Variants in FAT2 observed in about 807,000 individuals in gnomAD.
FAT2 encodes the protein FAT atypical cadherin 2.
In FAT2, 150 loss-of-function variants were observed where a neutral mutation model predicts 295.3. The ratio of observed to expected loss-of-function variants is 0.51; its 90% CI spans 0.44 to 0.58. The LOEUF (loss-of-function observed/expected upper bound fraction) is 0.58, where lower values mean the gene tolerates loss of function less well. Ranked by LOEUF, FAT2 falls within the 20% of genes least tolerant of loss-of-function variation. The probability of loss-of-function intolerance (pLI) is 0.00; values close to 1 mark genes in which losing one functional copy is unlikely to be tolerated. For synonymous variants in FAT2, 2,026 were observed against 2,150.3 expected, an observed-to-expected ratio of 0.94 and a Z score of 1.60; for missense variants, 4,868 against 5,442.7, an observed-to-expected ratio of 0.89 and a Z score of 3.32.
intron 1 of FAT2, among the ~76,000 whole-genome samples, chr5:151,578,263 T>A (rs1758819922): frequency 6.6e-6 from 1 of 152,188 alleles, no homozygotes; most frequent in East Asian, 1.9e-4. Context: ...TGGGGTTGCT[T>A]ACTATCCTGT....
chr5:151,517,908 G>T, intron 19 of FAT2, 143 bp from the exon 20 acceptor site: 2 of 1,010,894 alleles, frequency 2.0e-6, no homozygotes, highest in Non-Finnish European at 2.9e-6. Flanking sequence ...CTGGGTGTGG[G>T]GTGTGCCATA....
In FAT2 at chr5:151,578,498, G is replaced by A. The variant is rs115341283; in HGVS notation, c.-20-9547C>T. Among the ~76,000 whole-genome samples the A allele has an allele frequency of 1.6e-3, 239 of 152,252 alleles. 1 individual carries two copies. The highest frequency in any genetic ancestry group is 5.6e-3 in the African/African-American group (234 of 41,528). On this transcript the variant is annotated intron_variant, in intron 1 of 23. Transcript: ENST00000261800. ...TGTTGAAGAGGATGTGGAGAAAAGG[G>A]AACCATCAGACACTGTCAGTGGAAA...
At chr5:151,506,190 G>A (rs1053531998) in intron 23 of FAT2, 93 bp from the exon 24 acceptor site, 21 of 1,354,696 alleles carry the variant, frequency 1.6e-5, no homozygotes, top group Non-Finnish European at 1.9e-5. Context: ...AGCGAGTGGT[G>A]GAGATGGGAG....
intron 18 of FAT2, 33 bp downstream of exon 18, chr5:151,525,735 T>A: frequency 6.2e-7 from 1 of 1,612,622 alleles, no homozygotes. Flanking sequence ...ACTGTCCCCA[T>A]GGTCACCACC....
intron 3 of FAT2, among the ~76,000 whole-genome samples, chr5:151,560,697 C>T (rs1283671307): frequency 2.0e-5 from 3 of 152,348 alleles, no homozygotes; most frequent in Non-Finnish European, 4.4e-5. Context: ...AATCTTCATG[C>T]TCCTAATGGA....
In FAT2 at chr5:151,525,860, C is replaced by T. The variant is rs144627455; in HGVS notation, c.10414G>A (p.Gly3472Ser). ...TCCGGGGTCACTCGGAAGGCAGAGC[C>T]GTTGTTCCCCTTGGTGATTCGAAAC... ...YSFRITKGNN[G>S]SAFRVTPDGW... Residue 3472 changes from glycine to serine, a missense_variant, in exon 18 of 24, where the codon GGC (glycine) becomes AGC (serine). Physicochemically the swap from Gly to Ser is moderately conservative, Grantham distance 56. Transcript: ENST00000261800. 26 of 1,614,092 alleles carry T rather than the reference C, an allele frequency of 1.6e-5. No individual in the cohort carries two copies. The highest frequency in any genetic ancestry group is 1.1e-4 in the African/African-American group (8 of 75,040).
Position 151,505,494 on chromosome 5 carries a change from C to T in FAT2, c.*71G>A. 1 of 1,586,650 alleles carries T rather than the reference C, an allele frequency of 6.3e-7. No individual in the cohort carries two copies. The highest frequency in any genetic ancestry group is 8.6e-7 in the Non-Finnish European group (1 of 1,163,468). ...CTCCCAGCCACACTCAACTCACCCC[C>T]TACGAGACAGGAAGAAATAAGCCAA... On this transcript the variant is annotated 3_prime_UTR_variant, in exon 24 of 24. Transcript: ENST00000261800.
In FAT2 at chr5:151,531,841, G is replaced by A. The variant is rs1220697824; in HGVS notation, c.9557C>T (p.Thr3186Met). The change falls in exon 14 of 24, where the codon ACG (threonine) becomes ATG (methionine). Residue 3186 changes from threonine to methionine, a missense_variant. Around this residue, in one of 5 missense-constraint regions of FAT2, gnomAD observed 1,046 missense variants for 1,210.1 expected, o/e 0.86. Coordinates refer to ENST00000261800, the MANE Select transcript of FAT2 (RefSeq NM_001447.3). The surrounding 1 kb of genome is among the most constrained non-coding windows in gnomAD (Gnocchi z 5.7). ...GGTGCCCAGGTCAGAGGCACGGACC[G>A]TGAGCTCCAGTGGTGCCTGGGGCCT... ...QVRPQAPLEL[T>M]VRASDLGTPI... The A allele has an allele frequency of 1.2e-6, 2 of 1,614,008 alleles. No individual in the cohort carries two copies. Among genetic ancestry groups the A allele is most frequent in the African/African-American group, 1.3e-5 (1 of 75,046 alleles).
At chr5:151,592,065 G>A (rs1759432680), upstream of FAT2, among the ~76,000 whole-genome samples, 1 of 152,186 alleles carries the variant, frequency 6.6e-6, no homozygotes, top group Admixed American at 6.5e-5. Flanking sequence ...CCGATTATGT[G>A]TGCATCACAA....
rs757426864 is a variant in FAT2 at position 151,567,992 on chromosome 5, A to G, written c.940T>C (p.Leu314=). The G allele has an allele frequency of 1.2e-5, 19 of 1,614,194 alleles. No individual in the cohort carries two copies. The highest frequency in any genetic ancestry group is 1.6e-5 in the Non-Finnish European group (19 of 1,180,030). ...KSYARSNEFS[L]VSVKDINWME... is the part of the protein sequence containing the mutation. ...CAGTTGATGTCTTTGACAGACACCA[A>G]ACTGAACTCATTGCTCCGGGCATAA... The change falls in exon 2 of 24, where the codon TTG becomes CTG. Residue 314 remains leucine, a synonymous_variant. Coordinates refer to ENST00000261800, the MANE Select transcript of FAT2 (RefSeq NM_001447.3).
In FAT2 at chr5:151,527,318, C is replaced by T. The variant is rs546511011; in HGVS notation, c.10224G>A (p.Glu3408=). Residue 3408 remains glutamate (E), a synonymous_variant, in exon 17 of 24, where the codon GAG becomes GAA. Transcript: ENST00000261800. ...CCACTTGGATAGCGATGTCTGTGTC[C>T]TCATGCAGTGGAGGCTGCCCACTGT... ...ATDSGQPPLH[E]DTDIAIQVAD... is the part of the protein sequence containing the mutation. 2 of 1,613,480 alleles carry T rather than the reference C, an allele frequency of 1.2e-6. No individual in the cohort carries two copies. The highest frequency in any genetic ancestry group is 2.2e-5 in the East Asian group (1 of 44,862).
intron 8 of FAT2, among the ~76,000 whole-genome samples, chr5:151,550,001 G>A (rs1757030201): frequency 6.6e-6 from 1 of 152,128 alleles, no homozygotes; most frequent in Non-Finnish European, 1.5e-5. Context: ...TCCGATTCTG[G>A]TTCCATCATA....
At chr5:151,561,735 C>T (rs1758024763) in intron 3 of FAT2, among the ~76,000 whole-genome samples, 1 of 152,132 alleles carries the variant, frequency 6.6e-6, no homozygotes, top group African/African-American at 2.4e-5. Context: ...ACAAGGCATC[C>T]AAGTAGGGAA....
intron 12 of FAT2, among the ~76,000 whole-genome samples, chr5:151,537,220 A>AGAG (rs71274346): frequency 0.33 from 49,941 of 150,894 alleles, 10,217 homozygotes; most frequent in East Asian, 0.58. Context: ...AGGAAGAAGA[A>AGAG]GAGGAGGAGG....
At chr5:151,532,386 CAAA>C (rs1412012162) in intron 13 of FAT2, among the ~76,000 whole-genome samples, 4 of 50,162 alleles carry the variant, frequency 8.0e-5, no homozygotes, top group African/African-American at 6.2e-4. Flanking sequence ...TGTGCGTGTA[CAAA>C]CACACACACA....
intron 21 of FAT2, 188 bp from the exon 22 acceptor site, chr5:151,510,362 C>T (rs1561812207): frequency 6.8e-6 from 4 of 589,766 alleles, no homozygotes; most frequent in Admixed American, 6.0e-5. Flanking sequence ...GGTCCCTGCC[C>T]TCAAACAGCT....
At chr5:151,582,500 G>A (rs1473361436) in intron 1 of FAT2, among the ~76,000 whole-genome samples, 1 of 152,168 alleles carries the variant, frequency 6.6e-6, no homozygotes, top group African/African-American at 2.4e-5. Context: ...AAAATCCTTA[G>A]GGGTGGGGCT....
chr5:151,529,805 C>A (rs556389766), intron 14 of FAT2, among the ~76,000 whole-genome samples: 2 of 152,260 alleles, frequency 1.3e-5, no homozygotes, highest in East Asian at 3.9e-4. Context: ...AAATGACAGA[C>A]CTCAGGGCAT....
chr5:151,554,788 A>G, intron 4 of FAT2, 115 bp from the exon 5 acceptor site: 1 of 825,162 alleles, frequency 1.2e-6, no homozygotes, highest in Non-Finnish European at 1.9e-6. Flanking sequence ...TGTACTTTTT[A>G]TTATCATAAC....
Sources: allele counts gnomAD v4.1 joint callset (sites outside exome capture counted in the v4.1 genomes callset), GRCh38; gene constraint gnomAD v4.1.1; regional missense constraint gnomAD v4.1.1; non-coding constraint Gnocchi (gnomAD v3.1); transcripts MANE v1.5; gene names NCBI Gene and HGNC (gene_info 2026-07-23, HGNC 2026-07-21).